The following ZC3H12C variants were observed in gnomAD, a reference collection of about 807,000 sequenced individuals.
ZC3H12C encodes the protein probable ribonuclease ZC3H12C.
A neutral mutation model predicts 76.3 loss-of-function variants in ZC3H12C; 20 were observed. The observed-to-expected ratio is 0.26, with a 90% confidence interval of 0.18 to 0.38. ZC3H12C has a LOEUF of 0.38. Among genes scored for constraint, ZC3H12C ranks in the 10% least tolerant of loss-of-function variants. The pLI is 1.00. For missense variants in ZC3H12C, 874 were observed against 1,086.5 expected (o/e 0.80, Z 2.75); for synonymous variants, 352 against 399.6 (o/e 0.88, Z 1.42).
rs1591488866 is a variant in ZC3H12C at position 110,165,120 on chromosome 11, A to G, written c.2035A>G (p.Asn679Asp). 6.2e-7 allele frequency: 1 copy of G among 1,613,820 alleles called. No homozygotes were observed. Among genetic ancestry groups the G allele is most frequent in the Non-Finnish European group, 8.5e-7 (1 of 1,179,894 alleles). Residue 679 changes from asparagine (N) to aspartate (D), a missense_variant, in exon 6 of 6, where the codon AAT becomes GAT. Coordinates refer to ENST00000278590, the MANE Select transcript of ZC3H12C (RefSeq NM_033390.2). Reference sequence around the variant, plus strand: ...CCTTAATCCTCAACCGTTCCTGCAGAATTTCCACGACCCCTTAACCAGAGG... The same window carrying G: ...CCTTAATCCTCAACCGTTCCTGCAGGATTTCCACGACCCCTTAACCAGAGG... ...SRLNPQPFLQ[N>D]FHDPLTRGQS... is the part of the protein sequence containing the mutation.
chr11:110,097,442 C>T (rs1162574601), intron 1 of ZC3H12C, among the ~76,000 whole-genome samples: 2 of 152,208 alleles, frequency 1.3e-5, no homozygotes, highest in Admixed American at 6.5e-5. Flanking sequence ...GCCTGGGTCA[C>T]ACCTTATTCA....
At chr11:110,152,250 A>G (rs1238518012) in intron 2 of ZC3H12C, among the ~76,000 whole-genome samples, 2 of 152,220 alleles carry the variant, frequency 1.3e-5, no homozygotes, top group African/African-American at 4.8e-5. Context: ...TGCTAATCCA[A>G]TTTTGAATGC....
At chr11:110,159,032 C>A (rs563525750) in intron 3 of ZC3H12C, among the ~76,000 whole-genome samples, 21 of 78,314 alleles carry the variant, frequency 2.7e-4, no homozygotes, top group Admixed American at 2.1e-3. Context: ...TTATACTGTT[C>A]GTATTTTTTT....
chr11:110,137,056 G>T lies in ZC3H12C; in HGVS notation c.415G>T (p.Asp139Tyr), dbSNP rs1861977889. 1 of 1,613,644 alleles carries T rather than the reference G, an allele frequency of 6.2e-7. No individual in the cohort carries two copies. The highest frequency in any genetic ancestry group is 1.3e-5 in the African/African-American group (1 of 74,888). ...ACTCAAGCGCAATGAAATTTTGCAA[G>T]ACTTTAAACCTGAAGAGTCCCAGAC... Reference protein sequence around the residue: ...HILKRNEILQDFKPEESQTTS... With the variant: ...HILKRNEILQYFKPEESQTTS... The change falls in exon 2 of 6, where the codon GAC becomes TAC. Residue 139 changes from aspartate to tyrosine, a missense_variant. Transcript: ENST00000278590.
At chr11:110,114,228 T>TA (rs1401743225) in intron 1 of ZC3H12C, among the ~76,000 whole-genome samples, 1 of 152,120 alleles carries the variant, frequency 6.6e-6, no homozygotes, top group Non-Finnish European at 1.5e-5. Context: ...TGCCTCACCT[T>TA]ACTCCCCCTC....
intron 1 of ZC3H12C, among the ~76,000 whole-genome samples, chr11:110,133,563 T>C (rs1228062318): frequency 1.3e-5 from 2 of 152,186 alleles, no homozygotes; most frequent in African/African-American, 4.8e-5. Context: ...ATCCTTAGCA[T>C]TAAAAAGTCA....
Position 110,169,339 on chromosome 11 carries a change from G to GGTGTGTGTGTGTGT in ZC3H12C, c.*3631_*3644dup, listed in dbSNP as rs143466304. 9.2e-4 allele frequency: 135 copies of GGTGTGTGTGTGTGT among 146,362 alleles called. 1 individual carries two copies. The highest frequency in any genetic ancestry group is 3.3e-3 in the African/African-American group (132 of 39,548). The allele number at this position is 146,362 out of a possible 1,614,324, so 9.1% of individuals were successfully genotyped here. A position where few individuals can be genotyped will look rare whatever the true frequency, so the allele number is the denominator to read the frequency against. On this transcript the variant is annotated 3_prime_UTR_variant, in exon 6 of 6. Coordinates refer to ENST00000278590, the MANE Select transcript of ZC3H12C (RefSeq NM_033390.2). ...TGTGACAGGTGGGAGGATGGCTCTG[G>GGTGTGTGTGTGTGT]GTGTGTGTGTGTGTGTGTGTGTGTG...
intron 1 of ZC3H12C, among the ~76,000 whole-genome samples, chr11:110,093,805 C>T (rs1266546802): frequency 1.3e-5 from 2 of 152,096 alleles, no homozygotes; most frequent in Admixed American, 6.5e-5. Context: ...CGGATGGAAA[C>T]GGACACACTG....
At chr11:110,126,737 A>G (rs942079426) in intron 1 of ZC3H12C, among the ~76,000 whole-genome samples, 10 of 152,180 alleles carry the variant, frequency 6.6e-5, no homozygotes, top group African/African-American at 1.9e-4. Context: ...GCATGTTCCA[A>G]TAATGCTACT....
At chr11:110,114,631 G>A (rs1351739848) in intron 1 of ZC3H12C, among the ~76,000 whole-genome samples, 1 of 152,056 alleles carries the variant, frequency 6.6e-6, no homozygotes, top group Non-Finnish European at 1.5e-5. Context: ...CTATTTTTCT[G>A]CTACTCATGA....
intron 3 of ZC3H12C, among the ~76,000 whole-genome samples, chr11:110,153,944 C>G (rs1473291913): frequency 6.6e-6 from 1 of 152,190 alleles, no homozygotes; most frequent in Non-Finnish European, 1.5e-5. Flanking sequence ...AATCAACATC[C>G]AACCTTTCTT....
chr11:110,119,930 T>G (rs1054831641), intron 1 of ZC3H12C, among the ~76,000 whole-genome samples: 1 of 152,226 alleles, frequency 6.6e-6, no homozygotes, highest in African/African-American at 2.4e-5. Context: ...TATATGAATT[T>G]TGCAGGGACA....
At chr11:110,098,170 A>T (rs1454736974) in intron 1 of ZC3H12C, among the ~76,000 whole-genome samples, 1 of 152,170 alleles carries the variant, frequency 6.6e-6, no homozygotes, top group Non-Finnish European at 1.5e-5. Flanking sequence ...AAAAGCAGTG[A>T]TCTTGGTGAT....
rs1292314787 is a variant in ZC3H12C, at chr11:110,171,178, A to T, written c.*5441A>T. The T allele has an allele frequency of 6.6e-6, 1 of 152,242 alleles. No individual in the cohort carries two copies. The highest frequency in any genetic ancestry group is 1.5e-5 in the Non-Finnish European group (1 of 68,032). 9.4% of individuals were successfully genotyped at this position (152,242 alleles called of 1,614,324 possible). A position where few individuals can be genotyped will look rare whatever the true frequency, so the allele number is the denominator to read the frequency against. On this transcript the variant is annotated 3_prime_UTR_variant, in exon 6 of 6. Coordinates refer to ENST00000278590, the MANE Select transcript of ZC3H12C (RefSeq NM_033390.2). Reference sequence around the variant, plus strand: ...AGCGTATGTTCCAAGGGAAAAAGGCATTGAAAAGCAATCGTTTGTTTTTAT... The same window carrying T: ...AGCGTATGTTCCAAGGGAAAAAGGCTTTGAAAAGCAATCGTTTGTTTTTAT...
intron 3 of ZC3H12C, among the ~76,000 whole-genome samples, chr11:110,154,766 G>C (rs1862342237): frequency 2.5e-5 from 1 of 40,480 alleles, no homozygotes; most frequent in Non-Finnish European, 6.7e-5. Flanking sequence ...TAATTGGCAA[G>C]TTGCCTAAGG....
intron 1 of ZC3H12C, among the ~76,000 whole-genome samples, chr11:110,121,313 C>G (rs1430258949): frequency 1.3e-5 from 2 of 152,226 alleles, no homozygotes; most frequent in Non-Finnish European, 2.9e-5. Context: ...GGGCACTCTT[C>G]TATGTGGTGG....
At chr11:110,094,747 C>T (rs1045735470) in intron 1 of ZC3H12C, among the ~76,000 whole-genome samples, 14 of 152,116 alleles carry the variant, frequency 9.2e-5, no homozygotes, top group Admixed American at 9.2e-4. Flanking sequence ...GACTTGACCC[C>T]CTGTTCACCT....
chr11:110,100,628 A>G (rs1861197026), intron 1 of ZC3H12C, among the ~76,000 whole-genome samples: 1 of 151,990 alleles, frequency 6.6e-6, no homozygotes, highest in South Asian at 2.1e-4. Flanking sequence ...TGTTATGGTG[A>G]TCTATGTTCT....
intron 1 of ZC3H12C, among the ~76,000 whole-genome samples, chr11:110,111,532 C>T (rs1861427765): frequency 7.7e-6 from 1 of 129,112 alleles, no homozygotes; most frequent in African/African-American, 3.0e-5. Flanking sequence ...TCTTTGCTTC[C>T]CCAGTAGCTT....
Sources: allele counts gnomAD v4.1 joint callset (sites outside exome capture counted in the v4.1 genomes callset), GRCh38; gene constraint gnomAD v4.1.1; transcripts MANE v1.5; gene names NCBI Gene and HGNC (gene_info 2026-07-23, HGNC 2026-07-21).